The following SIRT4 variants were observed in gnomAD, a reference collection of about 807,000 sequenced individuals.
SIRT4 encodes NAD-dependent protein lipoamidase sirtuin-4, mitochondrial.
Under a neutral mutation model 26.1 loss-of-function variants are expected in SIRT4, and 23 were observed. The ratio of observed to expected loss-of-function variants is 0.88; its 90% CI spans 0.63 to 1.25. The LOEUF (loss-of-function observed/expected upper bound fraction) is 1.25. Ranked by LOEUF, SIRT4 falls within the 50% of genes most tolerant of loss-of-function variation. The pLI is 0.00. For missense variants in SIRT4, 361 were observed against 405.4 expected (o/e 0.89, Z 0.94); for synonymous variants, 155 against 158.4 (o/e 0.98, Z 0.16).
chr12:120,292,614 CGAGA>C, the SIRT4 span, among the ~76,000 whole-genome samples: 14 of 145,888 alleles, frequency 9.6e-5, no homozygotes, highest in African/African-American at 3.3e-4. Context: ...AACAACAGTG[CGAGA>C]GAAAGAAAAC....
At chr12:120,312,382 G>T in intron 2 of SIRT4, 74 bp from the exon 3 acceptor site, 1 of 1,394,950 alleles carries the variant, frequency 7.2e-7, no homozygotes, top group South Asian at 1.4e-5. Context: ...GAAAATGGTT[G>T]GAGATGAAAC....
At chr12:120,307,806 T>TCGCACCATTGAGCC (rs1872799639) in intron 2 of SIRT4, among the ~76,000 whole-genome samples, 2 of 150,082 alleles carry the variant, frequency 1.3e-5, no homozygotes, top group Non-Finnish European at 3.0e-5. Flanking sequence ...TGTAATGAGC[T>TCGCACCATTGAGCC]GAAATCGCAC....
chr12:120,296,411 G>T, the SIRT4 span, among the ~76,000 whole-genome samples: 2 of 150,612 alleles, frequency 1.3e-5, no homozygotes, highest in African/African-American at 4.9e-5. Flanking sequence ...TAGAGATGGG[G>T]TTTCACCGTG....
At chr12:120,298,465 A>T (rs1872415399), upstream of SIRT4, among the ~76,000 whole-genome samples, 1 of 151,356 alleles carries the variant, frequency 6.6e-6, no homozygotes. Flanking sequence ...TTGGTGGCCC[A>T]CCTGTAGTCC....
At chr12:120,300,367 C>A (rs1203111136), upstream of SIRT4, among the ~76,000 whole-genome samples, 1 of 151,894 alleles carries the variant, frequency 6.6e-6, no homozygotes, top group Non-Finnish European at 1.5e-5. Context: ...TCCAAAGATA[C>A]AATGATAGAA....
Position 120,312,862 on chromosome 12 carries a change from T to G in SIRT4, c.793-22T>G, listed in dbSNP as rs1476066080. The G allele has an allele frequency of 2.5e-6, 4 of 1,613,640 alleles. No individual in the cohort carries two copies. In the African/African-American group the frequency reaches 4.0e-5, roughly 16 times the overall value. ...GATCTAGAGAACCTAGACATTCTTATGTGTGTCTTTTCTCCGTGCAGGTAT... is the reference window on the plus strand; with the variant it reads ...GATCTAGAGAACCTAGACATTCTTAGGTGTGTCTTTTCTCCGTGCAGGTAT... On this transcript the variant is annotated intron_variant, in intron 3 of 3. Coordinates refer to ENST00000202967, the MANE Select transcript of SIRT4 (RefSeq NM_012240.3).
chr12:120,302,969 T>A (rs1476254292), intron 1 of SIRT4, among the ~76,000 whole-genome samples: 1 of 151,314 alleles, frequency 6.6e-6, no homozygotes, highest in Non-Finnish European at 1.5e-5. Context: ...GTGATCTGCC[T>A]GCGTCGGCCT....
chr12:120,303,558 T>A lies in SIRT4; in HGVS notation c.-1-3T>A. 6.3e-7 allele frequency: 1 copy of A among 1,576,752 alleles called. No homozygotes were observed. On this transcript the variant is annotated splice_region_variant and splice_polypyrimidine_tract_variant and intron_variant, in intron 1 of 3. Transcript: ENST00000202967. ...TTCTCACATGAGGCTTCTTTTTCTC[T>A]AGAATGAAGATGAGCTTTGCGTTGA...
chr12:120,312,642 A>T lies in SIRT4; in HGVS notation c.684A>T (p.Lys228Asn). Reference protein sequence around the residue: ...PTCVQCGGHLKPDVVFFGDTV... With the variant: ...PTCVQCGGHLNPDVVFFGDTV... ...GCGTTCAATGTGGAGGCCATCTGAAACCAGATGTCGTTTTCTTCGGGGACA... is the reference window on the plus strand; with the variant it reads ...GCGTTCAATGTGGAGGCCATCTGAATCCAGATGTCGTTTTCTTCGGGGACA... The change falls in exon 3 of 4, where the codon AAA becomes AAT. Residue 228 changes from lysine (K) to asparagine (N), a missense_variant. Lys to Asn is a moderately conservative substitution (Grantham distance 94, BLOSUM62 0). Coordinates refer to ENST00000202967, the MANE Select transcript of SIRT4 (RefSeq NM_012240.3). 3 of 1,614,054 alleles carry T rather than the reference A, an allele frequency of 1.9e-6. No homozygotes were observed. Among genetic ancestry groups the T allele is most frequent in the Non-Finnish European group, 2.5e-6 (3 of 1,180,026 alleles).
the SIRT4 span, among the ~76,000 whole-genome samples, chr12:120,293,530 C>T: frequency 6.6e-6 from 1 of 152,322 alleles, no homozygotes; most frequent in East Asian, 1.9e-4. Context: ...GTTCTGTTCA[C>T]TTGGCTCCAG....
At chr12:120,308,710 A>G (rs1165137124) in intron 2 of SIRT4, among the ~76,000 whole-genome samples, 1 of 152,154 alleles carries the variant, frequency 6.6e-6, no homozygotes, top group African/African-American at 2.4e-5. Flanking sequence ...TGAGACACCA[A>G]AGGGGTTTAT....
At chr12:120,294,287 C>T in the SIRT4 span, among the ~76,000 whole-genome samples, 12 of 150,918 alleles carry the variant, frequency 8.0e-5, no homozygotes, top group Non-Finnish European at 1.8e-4. Flanking sequence ...AGCCACTTCA[C>T]CCAGCCCATT....
Position 120,313,024 on chromosome 12 carries a change from A to G in SIRT4, c.933A>G (p.Ile311Met). ...NSRCGELLPL[I>M]DPC ...GTTGTGGAGAGTTGCTGCCTTTGAT[A>G]GACCCATGCTGACCACAGCCTGATA... is the stretch of plus-strand genomic sequence containing the variant. Residue 311 changes from isoleucine to methionine, a missense_variant, in exon 4 of 4, where the codon ATA (isoleucine) becomes ATG (methionine). By Grantham distance (10) the Ile-to-Met change is conservative. Coordinates refer to ENST00000202967, the MANE Select transcript of SIRT4 (RefSeq NM_012240.3). 1.9e-6 allele frequency: 3 copies of G among 1,614,126 alleles called. No homozygotes were observed. The highest frequency in any genetic ancestry group is 1.7e-6 in the Non-Finnish European group (2 of 1,180,028).
chr12:120,293,192 C>T, the SIRT4 span: 8 of 152,166 alleles, frequency 5.3e-5, no homozygotes, highest in African/African-American at 7.2e-5. Context: ...AATAATCGCG[C>T]CTCGGATAGA....
At chr12:120,301,945 G>C (rs1390053002), upstream of SIRT4, among the ~76,000 whole-genome samples, 1 of 151,608 alleles carries the variant, frequency 6.6e-6, no homozygotes, top group African/African-American at 2.4e-5. Flanking sequence ...CTACTCGGGA[G>C]GCTGAGGCAG....
At chr12:120,311,735 C>CAAAAAAAA (rs10612543) in intron 2 of SIRT4, among the ~76,000 whole-genome samples, 1 of 55,108 alleles carries the variant, frequency 1.8e-5, no homozygotes, top group African/African-American at 8.3e-5. Context: ...AACTTGCTCT[C>CAAAAAAAA]AAAAAAAAAA....
the SIRT4 span, among the ~76,000 whole-genome samples, chr12:120,295,240 G>A: frequency 7.2e-6 from 1 of 139,132 alleles, no homozygotes; most frequent in Non-Finnish European, 1.5e-5. Flanking sequence ...TTGAGACTGA[G>A]TTTCGCTCTT....
chr12:120,300,014 G>T (rs917789914), upstream of SIRT4, among the ~76,000 whole-genome samples: 1 of 152,134 alleles, frequency 6.6e-6, no homozygotes, highest in Non-Finnish European at 1.5e-5. Context: ...GCCCGGCATG[G>T]TGGCTCACAC....
At chr12:120,299,089 G>A (rs1416162794), upstream of SIRT4, among the ~76,000 whole-genome samples, 1 of 149,212 alleles carries the variant, frequency 6.7e-6, no homozygotes, top group Non-Finnish European at 1.5e-5. Context: ...AAATTAGCCG[G>A]GTGTGGTGGC....
Sources: gnomAD v4.1 joint callset for allele counts (sites outside exome capture counted in the v4.1 genomes callset) on GRCh38, gnomAD v4.1.1 for gene constraint, MANE v1.5 for transcripts, NCBI Gene and HGNC (gene_info 2026-07-23, HGNC 2026-07-21) for gene names.